Variants in THSD1 observed in about 807,000 individuals in gnomAD.
THSD1 encodes the protein thrombospondin type-1 domain-containing protein 1.
Under a neutral mutation model 46.3 loss-of-function variants are expected in THSD1, and 34 were observed. That is an observed-to-expected ratio of 0.74 (90% confidence interval 0.56 to 0.98). The LOEUF (loss-of-function observed/expected upper bound fraction) is 0.98. THSD1 is among the 50% of genes least tolerant of loss of function. THSD1 has a pLI of 0.00. For missense variants in THSD1, 1,023 were observed against 1,058.3 expected, an observed-to-expected ratio of 0.97 and a Z score of 0.46; for synonymous variants, 407 against 416.5, an observed-to-expected ratio of 0.98 and a Z score of 0.28.
chr13:52,394,527 T>C (rs982029415), intron 3 of THSD1, among the ~76,000 whole-genome samples: 5 of 150,798 alleles, frequency 3.3e-5, no homozygotes, highest in African/African-American at 9.8e-5. Flanking sequence ...GGCAGGAGAA[T>C]CACTTGAACC....
Position 52,378,279 on chromosome 13 carries a change from A to G in THSD1, c.1691T>C (p.Ile564Thr), listed in dbSNP as rs776632278. ...TAAGGGAGCGCTGGGGGCCGCATCA[A>G]TGGCAGTGTCTGTCAGGGGACTCTG... ...VSQSPLTDTA[I>T]DAAPSAPLDL... The change falls in exon 5 of 5, where the codon ATT (isoleucine) becomes ACT (threonine). Residue 564 changes from isoleucine (I) to threonine (T), a missense_variant. By Grantham distance (89) the Ile-to-Thr change is moderately conservative. Transcript: ENST00000258613. 1.5e-5 allele frequency: 24 copies of G among 1,614,104 alleles called. No homozygotes were observed. The highest frequency in any genetic ancestry group is 1.9e-5 in the Non-Finnish European group (22 of 1,180,044).
At chr13:52,400,384 G>A (rs958796887) in intron 2 of THSD1, among the ~76,000 whole-genome samples, 1 of 152,228 alleles carries the variant, frequency 6.6e-6, no homozygotes, top group African/African-American at 2.4e-5. Flanking sequence ...GATCACCTGA[G>A]GTCAGGAGTT....
chr13:52,393,455 C>T (rs149308477), intron 3 of THSD1, among the ~76,000 whole-genome samples: 3 of 152,212 alleles, frequency 2.0e-5, no homozygotes, highest in Admixed American at 2.0e-4. Context: ...ACACAGAAAT[C>T]AAGACCATCC....
intron 2 of THSD1, among the ~76,000 whole-genome samples, chr13:52,400,885 C>T (rs1477914777): frequency 6.6e-6 from 1 of 152,140 alleles, no homozygotes; most frequent in Non-Finnish European, 1.5e-5. Context: ...AATTTCGATG[C>T]TTTATTTATC....
In THSD1 at chr13:52,378,151, G is replaced by C. The variant is rs1957653858; in HGVS notation, c.1819C>G (p.Leu607Val). The part of the protein sequence containing the change: ...VSAGERPPSR[L>V]DLNVTQASCA... ...CTGGCCTGAGTCACATTTAGATCCA[G>C]CCTGGAGGGAGGCCTTTCCCCGGCA... Residue 607 changes from leucine to valine, a missense_variant, in exon 5 of 5, where the codon CTG (leucine) becomes GTG (valine). This residue lies in a region of THSD1 where 578 missense variants were observed against 497.4 expected (regional missense o/e 1.16). Transcript: ENST00000258613. 1.2e-6 allele frequency: 2 copies of C among 1,614,210 alleles called. No individual in the cohort carries two copies. The highest frequency in any genetic ancestry group is 1.7e-6 in the Non-Finnish European group (2 of 1,180,042).
chr13:52,388,605 G>A (rs539947141), intron 3 of THSD1, among the ~76,000 whole-genome samples: 4 of 151,858 alleles, frequency 2.6e-5, no homozygotes, highest in East Asian at 2.0e-4. Flanking sequence ...TCAGCCTCCC[G>A]AGTAGCTGGA....
At chr13:52,381,186 A>G (rs1274547832) in intron 4 of THSD1, among the ~76,000 whole-genome samples, 1 of 152,080 alleles carries the variant, frequency 6.6e-6, no homozygotes, top group Non-Finnish European at 1.5e-5. Flanking sequence ...ATTTACAACC[A>G]TGATCCATTA....
intron 3 of THSD1, among the ~76,000 whole-genome samples, chr13:52,394,417 C>T (rs61958016): frequency 1.3e-5 from 2 of 152,034 alleles, no homozygotes; most frequent in African/African-American, 4.8e-5. Context: ...AGTTCAAGAC[C>T]AGCCTGGCCA....
At position 52,378,741 on chromosome 13, in the gene THSD1, T is replaced by C; in HGVS notation, c.1229A>G (p.Lys410Arg). 3 of 1,612,498 alleles carry C rather than the reference T, an allele frequency of 1.9e-6. No homozygotes were observed. The South Asian group carries it at 3.3e-5, about 18-fold the overall frequency. Residue 410 changes from lysine (K) to arginine (R), a missense_variant, in exon 5 of 5, where the codon AAG becomes AGG. Lys to Arg is a conservative substitution (Grantham distance 26). This residue lies in a region of THSD1 where 429 missense variants were observed against 518.3 expected (regional missense o/e 0.83). Transcript: ENST00000258613. ...PSPLQPQGPV[K>R]SNNIVTVTGI... is the part of the protein sequence containing the mutation. ...AGTGACAGTCACGATGTTGTTGGAC[T>C]TCACTGGACCCTGGGGCTGAAGAGG...
intron 4 of THSD1, among the ~76,000 whole-genome samples, chr13:52,382,596 G>A (rs947481635): frequency 5.3e-5 from 8 of 152,182 alleles, no homozygotes; most frequent in African/African-American, 1.9e-4. Context: ...AGTTCTCCAG[G>A]TCTCTTAATG....
Position 52,378,120 on chromosome 13 carries a change from G to A in THSD1, c.1850C>T (p.Ala617Val). 6.2e-7 allele frequency: 1 copy of A among 1,614,170 alleles called. No individual in the cohort carries two copies. Among genetic ancestry groups the A allele is most frequent in the Non-Finnish European group, 8.5e-7 (1 of 1,180,016 alleles). Residue 617 changes from alanine to valine, a missense_variant, in exon 5 of 5, where the codon GCC (alanine) becomes GTC (valine). Around this residue, in one of 3 missense-constraint regions of THSD1, gnomAD observed 578 missense variants for 497.4 expected, o/e 1.16. Transcript: ENST00000258613. ...GATCAGAGTCTGGCTGGGGCTTATG[G>A]CACAACTGGCCTGAGTCACATTTAG... Reference protein sequence around the residue: ...LDLNVTQASCAISPSQTLIRK... With the variant: ...LDLNVTQASCVISPSQTLIRK...
At chr13:52,398,415 A>G in intron 2 of THSD1, 1 of 648,170 alleles carries the variant, frequency 1.5e-6, no homozygotes, top group East Asian at 1.4e-4. Flanking sequence ...GACTACAGGC[A>G]CATGCCACCA....
intron 1 of THSD1, among the ~76,000 whole-genome samples, chr13:52,405,453 T>G (rs566617083): frequency 7.2e-5 from 11 of 152,284 alleles, no homozygotes; most frequent in Admixed American, 5.2e-4. Context: ...TGGGAGGAAA[T>G]CTCTAGTTCT....
chr13:52,392,048 C>T (rs927412778), intron 3 of THSD1, among the ~76,000 whole-genome samples: 13 of 151,190 alleles, frequency 8.6e-5, no homozygotes, highest in South Asian at 2.1e-4. Context: ...AAAAATTAGC[C>T]GGGCGTGGTG....
chr13:52,398,101 C>G lies in THSD1; in HGVS notation c.152G>C (p.Gly51Ala). The change falls in exon 3 of 5, where the codon GGT (glycine) becomes GCT (alanine). Residue 51 changes from glycine (G) to alanine (A), a missense_variant. Gly to Ala is a moderately conservative substitution (Grantham distance 60, BLOSUM62 0). Transcript: ENST00000258613. ...TVYVDFQYFD[G>A]ANGTLRNVSV... ...TACATTCCTCAGTGTCCCATTAGCA[C>G]CATCAAAATACTGGAAATCCACATA... 6.2e-7 allele frequency: 1 copy of G among 1,614,168 alleles called. No homozygotes were observed.
At position 52,386,028 on chromosome 13, in the gene THSD1, C is replaced by G. The variant is rs772795465; in HGVS notation, c.1180G>C (p.Ala394Pro). ...TCCCGAAGGAAGCAAGAATACCTAC[C>G]AGCACACTCCTCCAGGGAACACAGG... The part of the protein sequence containing the change: ...ASLCSLEECA[A>P]FQPSSPSPLQ... The change falls in exon 4 of 5, where the codon GCT becomes CCT. Residue 394 changes from alanine to proline, a missense_variant and splice_region_variant. This residue lies in a region of THSD1 where 429 missense variants were observed against 518.3 expected (regional missense o/e 0.83). Coordinates refer to ENST00000258613, the MANE Select transcript of THSD1 (RefSeq NM_018676.4). 6.2e-7 allele frequency: 1 copy of G among 1,613,492 alleles called. No homozygotes were observed. The highest frequency in any genetic ancestry group is 8.5e-7 in the Non-Finnish European group (1 of 1,179,686).
At chr13:52,398,684 T>A in intron 2 of THSD1, 1 of 817,962 alleles carries the variant, frequency 1.2e-6, no homozygotes, top group Non-Finnish European at 1.5e-6. Flanking sequence ...TAGTTAGGTT[T>A]AAAATAATTA....
chr13:52,380,323 C>T (rs1158914851), intron 4 of THSD1, among the ~76,000 whole-genome samples: 2 of 108,166 alleles, frequency 1.8e-5, no homozygotes, highest in Non-Finnish European at 4.7e-5. Flanking sequence ...ATCTTCTCCA[C>T]CCGTCCTCCC....
intron 3 of THSD1, among the ~76,000 whole-genome samples, chr13:52,393,957 A>T (rs979192685): frequency 6.6e-6 from 1 of 152,202 alleles, no homozygotes; most frequent in Non-Finnish European, 1.5e-5. Flanking sequence ...CAGGGTCTCC[A>T]GGCATGTTTA....
Sources: gnomAD v4.1 joint callset for allele counts (sites outside exome capture counted in the v4.1 genomes callset) on GRCh38, gnomAD v4.1.1 for gene constraint, gnomAD v4.1.1 regional missense constraint, MANE v1.5 for transcripts, NCBI Gene and HGNC (gene_info 2026-07-23, HGNC 2026-07-21) for gene names.